CD9: variants seen among roughly 807,000 people sequenced by gnomAD.
The protein encoded by CD9 is CD9 molecule.
A neutral mutation model predicts 31.4 loss-of-function variants in CD9; 10 were observed. The observed-to-expected ratio is 0.32, with a 90% CI of 0.20 to 0.54. The LOEUF is 0.54. Ranked by LOEUF, CD9 falls within the 20% of genes least tolerant of loss-of-function variation. The probability of loss-of-function intolerance (pLI) is 0.94; values close to 1 mark genes in which losing one functional copy is unlikely to be tolerated. For synonymous variants in CD9, 113 were observed against 114.1 expected, an observed-to-expected ratio of 0.99 and a Z score of 0.06; for missense variants, 259 against 300.1, an observed-to-expected ratio of 0.86 and a Z score of 1.01.
chr12:6,206,184 TA>T (rs369223347), intron 1 of CD9: 3 of 144,854 alleles, frequency 2.1e-5, no homozygotes, highest in Admixed American at 1.4e-4. Flanking sequence ...TGCAGGGGAA[TA>T]GGGGGCGGGG....
rs138043550 is a variant in CD9, at chr12:6,235,203, G to A, written c.349-26G>A. ...AGGAAGATGTGAAAATGCCGTCTCT[G>A]CCCCTCTCTCGTCTGCCCATTGTAG... On this transcript the variant is annotated intron_variant, in intron 4 of 7. Transcript: ENST00000009180. 2,190 of 1,490,296 alleles carry A rather than the reference G, an allele frequency of 1.5e-3. 66 individuals are homozygous for A. The Admixed American group carries it at 0.034, about 23-fold the overall frequency. The allele number at this position is 1,490,296 out of a possible 1,614,324, so 92.3% of individuals were successfully genotyped here.
intron 1 of CD9, among the ~76,000 whole-genome samples, chr12:6,205,693 G>A (rs905350163): frequency 6.6e-6 from 1 of 152,234 alleles, no homozygotes; most frequent in African/African-American, 2.4e-5. Context: ...TGGTTGCAGG[G>A]TTGGGTTTGG....
intron 1 of CD9, among the ~76,000 whole-genome samples, chr12:6,212,877 G>T (rs1208046575): frequency 6.6e-6 from 1 of 152,090 alleles, no homozygotes; most frequent in South Asian, 2.1e-4. Context: ...TGCCCTTATG[G>T]TATAAAAGAG....
chr12:6,227,391 T>C (rs975538984), intron 2 of CD9, among the ~76,000 whole-genome samples: 6 of 151,872 alleles, frequency 4.0e-5, no homozygotes, highest in Non-Finnish European at 2.9e-5. Flanking sequence ...ACAGACGGGG[T>C]TTCTCCATGT....
At position 6,225,534 on chromosome 12, in the gene CD9, G is replaced by A; in HGVS notation, c.175G>A (p.Gly59Arg). ...TNNNNSSFYT[G>R]VYILIGAGAL... ...TAATAATAATTCCAGCTTCTACACA[G>A]GTGAGGGACGGGGAAGGCTCAGTGA... Residue 59 changes from glycine to arginine, a missense_variant and splice_region_variant, in exon 2 of 8, where the codon GGA (glycine) becomes AGA (arginine). Gly to Arg is a moderately radical substitution (Grantham distance 125). Transcript: ENST00000009180. 6.3e-7 allele frequency: 1 copy of A among 1,576,616 alleles called. No homozygotes were observed. Among genetic ancestry groups the A allele is most frequent in the Non-Finnish European group, 8.7e-7 (1 of 1,145,884 alleles).
In CD9 at chr12:6,208,974, T is replaced by C. The variant is rs145004477; in HGVS notation, c.66+8409T>C. On this transcript the variant is annotated intron_variant, in intron 1 of 7. Coordinates refer to ENST00000009180, the MANE Select transcript of CD9 (RefSeq NM_001769.4). Reference sequence around the variant, plus strand: ...TTTGTGAACTCATCATTGCTTTTTTTGTTGTTTGTTTTGAGACAGAGTCTC... The same window carrying C: ...TTTGTGAACTCATCATTGCTTTTTTCGTTGTTTGTTTTGAGACAGAGTCTC... Among the ~76,000 whole-genome samples, 243 of 152,306 alleles carry C rather than the reference T, an allele frequency of 1.6e-3. 3 individuals carry two copies. Among genetic ancestry groups the C allele is most frequent in the African/African-American group, 5.5e-3 (229 of 41,572 alleles).
chr12:6,237,712 C>T (rs1946538879), intron 7 of CD9, 51 bp from the exon 8 acceptor site: 2 of 1,394,652 alleles, frequency 1.4e-6, no homozygotes, highest in South Asian at 1.2e-5. Flanking sequence ...TTCCCTCAGC[C>T]TTCCTTCAGA....
intron 6 of CD9, 71 bp from the exon 7 acceptor site, chr12:6,236,121 G>A: frequency 1.9e-6 from 3 of 1,596,634 alleles, no homozygotes; most frequent in Non-Finnish European, 2.6e-6. Flanking sequence ...TGAGACGGGG[G>A]CCATGGGAGG....
intron 1 of CD9, among the ~76,000 whole-genome samples, chr12:6,217,032 T>C (rs976245395): frequency 1.3e-5 from 2 of 152,200 alleles, no homozygotes; most frequent in African/African-American, 2.4e-5. Flanking sequence ...CTGTTTTTTT[T>C]CCACAAACGA....
intron 6 of CD9, 41 bp downstream of exon 6, chr12:6,235,606 C>T (rs754101783): frequency 5.1e-6 from 8 of 1,571,924 alleles, no homozygotes; most frequent in Admixed American, 1.8e-5. Context: ...GCCCCCATTG[C>T]TCTGGACAAA....
intron 2 of CD9, among the ~76,000 whole-genome samples, chr12:6,230,730 T>C (rs1946433186): frequency 6.6e-6 from 1 of 152,240 alleles, no homozygotes; most frequent in South Asian, 2.1e-4. Flanking sequence ...GCCCAGCTTG[T>C]GGCCTCAACA....
chr12:6,204,730 T>C (rs548688224), intron 1 of CD9, among the ~76,000 whole-genome samples: 1 of 152,314 alleles, frequency 6.6e-6, no homozygotes, highest in Admixed American at 6.5e-5. Context: ...GCACCAGACA[T>C]ATCTTCCAAC....
chr12:6,233,067 G>C, intron 3 of CD9: 1 of 702,286 alleles, frequency 1.4e-6, no homozygotes, highest in Non-Finnish European at 2.6e-6. Context: ...ACTCCACGGA[G>C]TGGATTCGCT....
At position 6,232,550 on chromosome 12, in the gene CD9, G is replaced by GA; in HGVS notation, c.176-81dup. The GA allele has an allele frequency of 1.2e-6, 1 of 851,714 alleles. No homozygotes were observed. Among genetic ancestry groups the GA allele is most frequent in the Middle Eastern group, 3.0e-4 (1 of 3,342 alleles). The allele number at this position is 851,714 out of a possible 1,614,324, so 52.8% of individuals were successfully genotyped here. A position where few individuals can be genotyped will look rare whatever the true frequency, so the allele number is the denominator to read the frequency against. On this transcript the variant is annotated intron_variant, in intron 2 of 7. Coordinates refer to ENST00000009180, the MANE Select transcript of CD9 (RefSeq NM_001769.4). This position sits in a 1 kb window ranked among gnomAD's most constrained non-coding sequence, Gnocchi z 4.8. ...GAGGTGGGGAGGCAGGAGTTAGGCA[G>GA]AGGGAAACAGGAATTGCCGGAGATG...
At chr12:6,220,593 C>T (rs1458750245) in intron 1 of CD9, among the ~76,000 whole-genome samples, 2 of 152,050 alleles carry the variant, frequency 1.3e-5, no homozygotes, top group Non-Finnish European at 2.9e-5. Context: ...TCTGTGTCTT[C>T]GCAAAGGTCA....
chr12:6,219,540 C>G (rs569870438), intron 1 of CD9, among the ~76,000 whole-genome samples: 3 of 151,826 alleles, frequency 2.0e-5, no homozygotes, highest in Admixed American at 2.0e-4. Flanking sequence ...GGCTGGAGTA[C>G]AGTGGCGTGA....
chr12:6,236,568 C>A, intron 7 of CD9: 1 of 483,320 alleles, frequency 2.1e-6, no homozygotes, highest in Non-Finnish European at 3.6e-6. Context: ...CACTGCTAGT[C>A]CTCGGAGCAT....
At chr12:6,223,679 G>T (rs1391864887) in intron 1 of CD9, among the ~76,000 whole-genome samples, 1 of 152,062 alleles carries the variant, frequency 6.6e-6, no homozygotes, top group Non-Finnish European at 1.5e-5. Flanking sequence ...GTGAATTCAA[G>T]CCACATAACT....
rs538929810 is a variant in CD9, at chr12:6,222,381, C to T, written c.67-3045C>T. ...TTCTCTGGGTTACTTGAACCTTTCT[C>T]CTCTCTTATTGTGAGTTGTTAAGCC... On this transcript the variant is annotated intron_variant, in intron 1 of 7. Coordinates refer to ENST00000009180, the MANE Select transcript of CD9 (RefSeq NM_001769.4). Among the ~76,000 whole-genome samples, 4 of 152,324 alleles carry T rather than the reference C, an allele frequency of 2.6e-5. No individual in the cohort carries two copies. The South Asian group carries it at 6.2e-4, about 24-fold the overall frequency.
Sources: gnomAD v4.1 joint callset for allele counts (sites outside exome capture counted in the v4.1 genomes callset) on GRCh38, gnomAD v4.1.1 for gene constraint, Gnocchi (gnomAD v3.1) non-coding constraint, MANE v1.5 for transcripts, NCBI Gene and HGNC (gene_info 2026-07-23, HGNC 2026-07-21) for gene names.